The following LRP11 variants were observed in gnomAD, a reference collection of about 807,000 sequenced individuals.
LRP11 encodes the protein LDL receptor related protein 11.
In LRP11, 25 loss-of-function variants were observed where a neutral mutation model predicts 43.1. The ratio of observed to expected loss-of-function variants is 0.58; its 90% confidence interval spans 0.42 to 0.81. The LOEUF (loss-of-function observed/expected upper bound fraction) is 0.81. Among genes scored for constraint, LRP11 ranks in the 30% least tolerant of loss-of-function variants. The pLI, the probability that LRP11 is intolerant of heterozygous loss-of-function variation, is 0.00. For missense variants in LRP11, 623 were observed against 665.1 expected, an observed-to-expected ratio of 0.94 and a Z score of 0.70; for synonymous variants, 316 against 299.4, an observed-to-expected ratio of 1.06 and a Z score of -0.57.
chr6:149,854,358 C>A (rs895005254), intron 1 of LRP11, among the ~76,000 whole-genome samples: 1 of 152,132 alleles, frequency 6.6e-6, no homozygotes, highest in Admixed American at 6.5e-5. Context: ...CCTCCCACCT[C>A]AGCCTCCCAA....
chr6:149,836,048 C>G lies in LRP11; in HGVS notation c.1252+37G>C, dbSNP rs375880151. 97 of 1,571,738 alleles carry G rather than the reference C, an allele frequency of 6.2e-5. No individual in the cohort carries two copies. The Middle Eastern group carries it at 2.2e-3, about 35-fold the overall frequency. Reference sequence around the variant, plus strand: ...GTGAGCCAAGTTTGGCTACAGAAAACAAGGTTCTTCATTGAGAACCCACCG... The same window carrying G: ...GTGAGCCAAGTTTGGCTACAGAAAAGAAGGTTCTTCATTGAGAACCCACCG... On this transcript the variant is annotated intron_variant, in intron 5 of 6. Coordinates refer to ENST00000239367, the MANE Select transcript of LRP11 (RefSeq NM_032832.6).
chr6:149,852,715 A>G (rs1776739436), intron 2 of LRP11, among the ~76,000 whole-genome samples: 1 of 152,268 alleles, frequency 6.6e-6, no homozygotes, highest in Admixed American at 6.5e-5. Flanking sequence ...GAGTCATTAA[A>G]ACAAAGCATG....
At chr6:149,857,746 C>T (rs553386523) in intron 1 of LRP11, among the ~76,000 whole-genome samples, 1 of 152,278 alleles carries the variant, frequency 6.6e-6, no homozygotes, top group Admixed American at 6.5e-5. Flanking sequence ...TAAACTGGCT[C>T]ATCTGGTCTT....
intron 2 of LRP11, among the ~76,000 whole-genome samples, chr6:149,847,949 C>T (rs1226932414): frequency 1.3e-5 from 2 of 151,526 alleles, no homozygotes; most frequent in South Asian, 4.2e-4. Context: ...AGCAGGTAGG[C>T]CAGGATGCAG....
chr6:149,831,051 C>A (rs992432453), intron 5 of LRP11, among the ~76,000 whole-genome samples: 2 of 152,184 alleles, frequency 1.3e-5, no homozygotes, highest in African/African-American at 4.8e-5. Flanking sequence ...CGAATCGAAA[C>A]AAAACAAAAC....
intron 5 of LRP11, among the ~76,000 whole-genome samples, chr6:149,834,151 GTT>G (rs1776442917): frequency 6.6e-6 from 1 of 152,158 alleles, no homozygotes. Flanking sequence ...TCCTGCGTTA[GTT>G]TGCTGAGAAT....
At chr6:149,845,237 G>A (rs1250748602) in intron 2 of LRP11, among the ~76,000 whole-genome samples, 1 of 152,232 alleles carries the variant, frequency 6.6e-6, no homozygotes, top group East Asian at 1.9e-4. Context: ...CTGGCCCATA[G>A]TAAGCGCTTA....
At chr6:149,854,500 T>C (rs924655352) in intron 1 of LRP11, among the ~76,000 whole-genome samples, 1 of 152,226 alleles carries the variant, frequency 6.6e-6, no homozygotes, top group Admixed American at 6.5e-5. Context: ...GCTACAGGGA[T>C]GACCGAAAGG....
In LRP11 at chr6:149,826,303, C is replaced by T. The variant is rs771659529; in HGVS notation, c.1309G>A (p.Gly437Ser). ...KEESYIFESK[G>S]DGGGGEHPAP... ...GGGTGTTCCCCTCCTCCTCCATCAC[C>T]CTTTGACTCAAATATATAACTTTCC... is the stretch of plus-strand genomic sequence containing the variant. Residue 437 changes from glycine to serine, a missense_variant, in exon 6 of 7, where the codon GGT (glycine) becomes AGT (serine). Gly to Ser is a moderately conservative substitution (Grantham distance 56). Transcript: ENST00000239367. The T allele has an allele frequency of 1.9e-6, 3 of 1,613,706 alleles. No individual in the cohort carries two copies. Among genetic ancestry groups the T allele is most frequent in the South Asian group, 2.2e-5 (2 of 91,072 alleles).
chr6:149,833,011 T>C (rs1307213070), intron 5 of LRP11, among the ~76,000 whole-genome samples: 1 of 152,096 alleles, frequency 6.6e-6, no homozygotes, highest in East Asian at 1.9e-4. Flanking sequence ...CGTTTCACCA[T>C]GTTAGCCAGG....
intron 5 of LRP11, among the ~76,000 whole-genome samples, chr6:149,834,603 T>C (rs545575670): frequency 1.3e-5 from 2 of 152,348 alleles, no homozygotes; most frequent in East Asian, 3.9e-4. Context: ...TGCCCAACTC[T>C]GTTTCTTAGA....
chr6:149,843,620 A>G (rs1239143818), intron 2 of LRP11, among the ~76,000 whole-genome samples: 1 of 152,136 alleles, frequency 6.6e-6, no homozygotes. Flanking sequence ...GGACCTTTAG[A>G]ACACTGACAC....
chr6:149,843,578 C>A (rs1305503000), intron 2 of LRP11, among the ~76,000 whole-genome samples: 1 of 152,192 alleles, frequency 6.6e-6, no homozygotes, highest in Non-Finnish European at 1.5e-5. Context: ...CAGGCCAACC[C>A]CTCCTTCTAG....
chr6:149,852,783 G>A (rs1185174416), intron 2 of LRP11, among the ~76,000 whole-genome samples: 1 of 152,154 alleles, frequency 6.6e-6, no homozygotes, highest in African/African-American at 2.4e-5. Context: ...GCAGCTAGAA[G>A]GAGGGTAGGC....
At chr6:149,861,462 A>T (rs1317498268) in intron 1 of LRP11, among the ~76,000 whole-genome samples, 2 of 152,204 alleles carry the variant, frequency 1.3e-5, no homozygotes, top group East Asian at 3.8e-4. Flanking sequence ...AGGAAGGGCA[A>T]CGAAGCAAGC....
In LRP11 at chr6:149,863,428, G is replaced by T; in HGVS notation, c.593C>A (p.Ala198Glu). ...RAPDGAALAT[A>E]RASPRQEKDA... ...CTTACCCTGCCGGGGCGAGGCGCGCGCGGTGGCCAGGGCGGCGCCGTCCGG... is the reference window on the plus strand; with the variant it reads ...CTTACCCTGCCGGGGCGAGGCGCGCTCGGTGGCCAGGGCGGCGCCGTCCGG... Residue 198 changes from alanine to glutamate, a missense_variant, in exon 1 of 7, where the codon GCG becomes GAG. Physicochemically the swap from Ala to Glu is moderately radical, Grantham distance 107. Coordinates refer to ENST00000239367, the MANE Select transcript of LRP11 (RefSeq NM_032832.6). 1 of 1,312,648 alleles carries T rather than the reference G, an allele frequency of 7.6e-7. No homozygotes were observed. The highest frequency in any genetic ancestry group is 9.6e-7 in the Non-Finnish European group (1 of 1,038,422). The allele number at this position is 1,312,648 out of a possible 1,614,324, so 81.3% of individuals were successfully genotyped here. A position where few individuals can be genotyped will look rare whatever the true frequency, so the allele number is the denominator to read the frequency against.
intron 6 of LRP11, among the ~76,000 whole-genome samples, chr6:149,821,866 T>G (rs1776282084): frequency 2.0e-5 from 3 of 152,212 alleles, no homozygotes; most frequent in Admixed American, 6.5e-5. Context: ...AAAAGCCTTC[T>G]TCCATGTGCC....
At position 149,863,681 on chromosome 6, in the gene LRP11, C is replaced by G; in HGVS notation, c.340G>C (p.Gly114Arg). The G allele has an allele frequency of 1.4e-6, 2 of 1,476,868 alleles. No individual in the cohort carries two copies. Among genetic ancestry groups the G allele is most frequent in the Non-Finnish European group, 8.9e-7 (1 of 1,120,884 alleles). The allele number at this position is 1,476,868 out of a possible 1,614,324, so 91.5% of individuals were successfully genotyped here. ...IIRTKDSLAA[G>R]ASFLRAPAAV... is the part of the protein sequence containing the mutation. ...GCCGGCGCCCGCAGGAAGCTGGCAC[C>G]CGCCGCCAGGGAGTCCTTGGTGCGG... is the stretch of plus-strand genomic sequence containing the variant. The change falls in exon 1 of 7, where the codon GGT (glycine) becomes CGT (arginine). Residue 114 changes from glycine to arginine, a missense_variant. Gly to Arg is a moderately radical substitution (Grantham distance 125). Transcript: ENST00000239367.
chr6:149,860,148 C>A (rs899238595), intron 1 of LRP11, among the ~76,000 whole-genome samples: 1 of 152,126 alleles, frequency 6.6e-6, no homozygotes, highest in Non-Finnish European at 1.5e-5. Context: ...CTTTTGTTTG[C>A]ACTTGGCGGA....
Sources: allele counts gnomAD v4.1 joint callset (sites outside exome capture counted in the v4.1 genomes callset), GRCh38; gene constraint gnomAD v4.1.1; transcripts MANE v1.5; gene names NCBI Gene and HGNC (gene_info 2026-07-23, HGNC 2026-07-21).